CALN1: variants seen among roughly 807,000 people sequenced by gnomAD.
CALN1 encodes the protein calcium-binding protein 8.
Under a neutral mutation model 30.6 loss-of-function variants are expected in CALN1, and 17 were observed. That is an observed-to-expected ratio of 0.56 (90% CI 0.38 to 0.83). The LOEUF is 0.83. CALN1 is among the 40% of genes least tolerant of loss of function. The pLI is 0.00. For missense variants in CALN1, 291 were observed against 354.9 expected (o/e 0.82, Z 1.45); for synonymous variants, 156 against 131.4 (o/e 1.19, Z -1.28).
intron 4 of CALN1, among the ~76,000 whole-genome samples, chr7:72,042,221 T>C (rs940352346): frequency 2.6e-5 from 4 of 152,176 alleles, no homozygotes; most frequent in African/African-American, 7.2e-5. Context: ...GGCCATGTGT[T>C]GGAGGAACCC....
At chr7:72,099,648 C>A (rs548294627) in intron 4 of CALN1, among the ~76,000 whole-genome samples, 1 of 152,202 alleles carries the variant, frequency 6.6e-6, no homozygotes, top group Admixed American at 6.5e-5. Context: ...TCTTTTCACA[C>A]TTAGGGACTG....
intron 5 of CALN1, among the ~76,000 whole-genome samples, chr7:71,896,340 T>C (rs1793529731): frequency 2.6e-5 from 4 of 152,132 alleles, no homozygotes; most frequent in Admixed American, 2.6e-4. Context: ...TCTTTACTAA[T>C]TCAGTGTGTC....
intron 2 of CALN1, chr7:72,337,870 C>G (rs775372003): frequency 6.6e-6 from 1 of 152,370 alleles, no homozygotes; most frequent in Admixed American, 6.5e-5. Flanking sequence ...AAGGAGAGGG[C>G]GCTTGGGCAG....
chr7:72,114,395 G>A (rs1371775282), intron 3 of CALN1, among the ~76,000 whole-genome samples: 1 of 150,940 alleles, frequency 6.6e-6, no homozygotes, highest in African/African-American at 2.4e-5. Flanking sequence ...AGTGAGGTTT[G>A]GCCACACTGA....
At chr7:72,406,017 G>A (rs1323005535) in intron 1 of CALN1, among the ~76,000 whole-genome samples, 1 of 152,194 alleles carries the variant, frequency 6.6e-6, no homozygotes, top group African/African-American at 2.4e-5. Flanking sequence ...GCACGGCACT[G>A]AAGGTGGCAG....
chr7:71,869,596 T>TGTAAAACCTAACAG (rs1562857610), intron 5 of CALN1, among the ~76,000 whole-genome samples: 1 of 152,224 alleles, frequency 6.6e-6, no homozygotes, highest in East Asian at 1.9e-4. Context: ...TATTTCTTCA[T>TGTAAAACCTAACAG]GTAAAACCTA....
At chr7:72,471,291 C>T in the CALN1 span, among the ~76,000 whole-genome samples, 156 of 152,268 alleles carry the variant, frequency 1.0e-3, no homozygotes, top group African/African-American at 3.5e-3. Context: ...CTCAAGGATA[C>T]CCCTAGGTTG....
intron 3 of CALN1, among the ~76,000 whole-genome samples, chr7:72,159,667 G>A (rs1159920712): frequency 6.6e-6 from 1 of 151,934 alleles, no homozygotes; most frequent in Non-Finnish European, 1.5e-5. Context: ...GCATGGTGGT[G>A]GGCGCCTGTG....
chr7:71,794,368 T>A (rs191980512), intron 6 of CALN1, among the ~76,000 whole-genome samples: 181 of 152,340 alleles, frequency 1.2e-3, no homozygotes, highest in African/African-American at 3.9e-3. Context: ...TTATCATACA[T>A]TTGCATTGTA....
At chr7:72,265,481 C>T (rs900801982) in intron 3 of CALN1, among the ~76,000 whole-genome samples, 1 of 151,700 alleles carries the variant, frequency 6.6e-6, no homozygotes, top group African/African-American at 2.4e-5. Context: ...TTGGCAAACT[C>T]CCTTCAGCAT....
intron 4 of CALN1, among the ~76,000 whole-genome samples, chr7:72,025,187 G>A (rs781755809): frequency 6.6e-6 from 1 of 152,124 alleles, no homozygotes; most frequent in Non-Finnish European, 1.5e-5. Flanking sequence ...GTCCATGCCT[G>A]TAATCCCAGC....
intron 2 of CALN1, among the ~76,000 whole-genome samples, chr7:72,283,458 AC>A (rs1340183924): frequency 6.6e-6 from 1 of 152,162 alleles, no homozygotes; most frequent in Non-Finnish European, 1.5e-5. Flanking sequence ...TCATGTGAGC[AC>A]AGTAATTTGA....
intron 2 of CALN1, among the ~76,000 whole-genome samples, chr7:72,335,077 C>G (rs1297992337): frequency 6.6e-6 from 1 of 152,042 alleles, no homozygotes; most frequent in Non-Finnish European, 1.5e-5. Context: ...ACCACAAGGC[C>G]GAGAGGTCTG....
Position 72,234,449 on chromosome 7 carries a change from G to GT in CALN1, c.244+44236dup, listed in dbSNP as rs541215117. On this transcript the variant is annotated intron_variant, in intron 3 of 6. Transcript: ENST00000395275. ...CACTTGTCTTTTTTTGTTTTGTTTT[G>GT]TTTTTTTGTTTTTTTGAGATGGAGT... Among the ~76,000 whole-genome samples the GT allele has an allele frequency of 1.8e-4, 27 of 151,874 alleles. 1 individual carries two copies. The South Asian group carries it at 2.3e-3, about 13-fold the overall frequency.
intron 5 of CALN1, among the ~76,000 whole-genome samples, chr7:71,994,527 A>AAAAAAAAAC (rs1562962962): frequency 2.6e-5 from 4 of 151,742 alleles, no homozygotes; most frequent in African/African-American, 9.7e-5. Flanking sequence ...AAAAAAAAAA[A>AAAAAAAAAC]AAAAAACAGT....
chr7:72,025,761 C>T (rs181273715), intron 4 of CALN1, among the ~76,000 whole-genome samples: 135 of 152,274 alleles, frequency 8.9e-4, no homozygotes, highest in African/African-American at 3.1e-3. Context: ...AGAGTTTGTC[C>T]AAATGCCCAC....
At chr7:72,087,571 A>G (rs1329918429) in intron 4 of CALN1, among the ~76,000 whole-genome samples, 1 of 152,238 alleles carries the variant, frequency 6.6e-6, no homozygotes, top group Non-Finnish European at 1.5e-5. Context: ...AGATTAGAAA[A>G]GCGACAAGAG....
At chr7:72,447,770 C>T (rs1158317165), upstream of CALN1, among the ~76,000 whole-genome samples, 1 of 151,880 alleles carries the variant, frequency 6.6e-6, no homozygotes, top group East Asian at 1.9e-4. Context: ...CACACACCTG[C>T]CCATGTACAC....
the CALN1 span, among the ~76,000 whole-genome samples, chr7:72,493,855 A>G: frequency 2.0e-5 from 3 of 152,200 alleles, no homozygotes; most frequent in African/African-American, 7.2e-5. Flanking sequence ...GGGCTTAAAA[A>G]ATATTTAGTG....
Sources: gnomAD v4.1 joint callset for allele counts (sites outside exome capture counted in the v4.1 genomes callset) on GRCh38, gnomAD v4.1.1 for gene constraint, MANE v1.5 for transcripts, NCBI Gene and HGNC (gene_info 2026-07-23, HGNC 2026-07-21) for gene names.